LRPPRC: variants seen among roughly 807,000 people sequenced by gnomAD.
The protein encoded by LRPPRC is leucine-rich PPR motif-containing protein, mitochondrial.
LRPPRC carries 120 observed loss-of-function variants against 180.3 expected under a neutral mutation model. The observed-to-expected ratio is 0.67, with a 90% CI of 0.57 to 0.77. LRPPRC has a LOEUF of 0.77. LRPPRC is among the 30% of genes least tolerant of loss of function. LRPPRC has a pLI of 0.00. For missense variants in LRPPRC, 2,012 were observed against 1,657.2 expected (o/e 1.21, Z -3.72); for synonymous variants, 723 against 600.0 (o/e 1.21, Z -3.00).
chr2:43,920,764 G>A lies in LRPPRC; in HGVS notation c.2897-2366C>T, dbSNP rs1671672042. ...CTGTTGACTGCCAAAAGGTCCTTGTGGACTGTGGGAAGACAGGGAAGGTTT... is the reference window on the plus strand; with the variant it reads ...CTGTTGACTGCCAAAAGGTCCTTGTAGACTGTGGGAAGACAGGGAAGGTTT... On this transcript the variant is annotated intron_variant, in intron 27 of 37. Coordinates refer to ENST00000260665, the MANE Select transcript of LRPPRC (RefSeq NM_133259.4). Among the ~76,000 whole-genome samples, 3 of 151,986 alleles carry A rather than the reference G, an allele frequency of 2.0e-5. No homozygotes were observed. The South Asian group carries it at 6.2e-4, about 32-fold the overall frequency.
chr2:43,979,720 C>T, intron 3 of LRPPRC, 106 bp downstream of exon 3: 3 of 906,260 alleles, frequency 3.3e-6, no homozygotes, highest in Admixed American at 2.0e-5. Flanking sequence ...AATCAAGTAG[C>T]CCTTCCATAA....
chr2:43,925,188 CT>C (rs1671833374), intron 26 of LRPPRC, 31 bp from the exon 27 acceptor site: 1 of 1,065,212 alleles, frequency 9.4e-7, no homozygotes, highest in Non-Finnish European at 1.5e-6. Flanking sequence ...ATAGATCTAC[CT>C]TGTGTAAAGG....
chr2:43,948,232 T>C, intron 17 of LRPPRC, 33 bp from the exon 18 acceptor site: 1 of 1,225,744 alleles, frequency 8.2e-7, no homozygotes, highest in Non-Finnish European at 1.2e-6. Context: ...GGAAAAAACC[T>C]GAGTTTTAGA....
chr2:43,905,661 T>C (rs1481443090), intron 31 of LRPPRC, 31 bp downstream of exon 31: 16 of 1,478,204 alleles, frequency 1.1e-5, no homozygotes, highest in Admixed American at 1.7e-5. Context: ...GAGGCATTAA[T>C]GTGACGTAAA....
At chr2:43,976,920 C>A in intron 5 of LRPPRC, 74 bp downstream of exon 5, 1 of 1,247,862 alleles carries the variant, frequency 8.0e-7, no homozygotes, top group Non-Finnish European at 1.2e-6. Context: ...AGCTTTAAAA[C>A]AAAGAGTGAA....
chr2:43,975,757 T>C (rs1182872128), intron 6 of LRPPRC, among the ~76,000 whole-genome samples: 1 of 152,028 alleles, frequency 6.6e-6, no homozygotes, highest in East Asian at 1.9e-4. Flanking sequence ...TAAATTTTTA[T>C]ATTTTTGTAG....
chr2:43,906,894 T>C (rs1271439803), intron 30 of LRPPRC, among the ~76,000 whole-genome samples: 3 of 152,182 alleles, frequency 2.0e-5, no homozygotes, highest in Non-Finnish European at 4.4e-5. Context: ...CCCACCAAAG[T>C]ACCCATTGCT....
chr2:43,981,018 A>G (rs1305908873), intron 2 of LRPPRC, among the ~76,000 whole-genome samples: 1 of 152,206 alleles, frequency 6.6e-6, no homozygotes, highest in South Asian at 2.1e-4. Context: ...TTTTATATCT[A>G]CACTTCTGAG....
At position 43,901,473 on chromosome 2, in the gene LRPPRC, C is replaced by T; in HGVS notation, c.3416G>A (p.Arg1139Lys). 1 of 1,614,108 alleles carries T rather than the reference C, an allele frequency of 6.2e-7. No individual in the cohort carries two copies. Among genetic ancestry groups the T allele is most frequent in the Non-Finnish European group, 8.5e-7 (1 of 1,179,930 alleles). ...CTGGATGACACGGGTCACTGCTAAC[C>T]TAGAAGGGGTCTGCTGCTGATCCAA... is the stretch of plus-strand genomic sequence containing the variant. Reference protein sequence around the residue: ...TVLDQQQTPSRLAVTRVIQAL... With the variant: ...TVLDQQQTPSKLAVTRVIQAL... The change falls in exon 32 of 38, where the codon AGG (arginine) becomes AAG (lysine). Residue 1139 changes from arginine to lysine, a missense_variant. Transcript: ENST00000260665.
At chr2:43,956,460 C>A (rs1171987844) in intron 14 of LRPPRC, among the ~76,000 whole-genome samples, 1 of 135,520 alleles carries the variant, frequency 7.4e-6, no homozygotes, top group East Asian at 3.1e-4. Context: ...TCAAGTGGTT[C>A]AGCCAAAAAG....
At chr2:43,943,263 T>C (rs993753180) in intron 23 of LRPPRC, among the ~76,000 whole-genome samples, 1 of 152,052 alleles carries the variant, frequency 6.6e-6, no homozygotes, top group Non-Finnish European at 1.5e-5. Flanking sequence ...AAAGCTAGAA[T>C]AACTGTAATG....
intron 35 of LRPPRC, among the ~76,000 whole-genome samples, chr2:43,895,156 G>A (rs777741015): frequency 2.0e-5 from 3 of 152,118 alleles, no homozygotes; most frequent in Non-Finnish European, 4.4e-5. Flanking sequence ...CTGCTATGCC[G>A]TAATGAATAT....
intron 27 of LRPPRC, among the ~76,000 whole-genome samples, chr2:43,920,865 A>G (rs1671675691): frequency 6.6e-6 from 1 of 152,202 alleles, no homozygotes; most frequent in Admixed American, 6.5e-5. Flanking sequence ...AGGTGGGTGG[A>G]TAATCTACAA....
chr2:43,989,495 G>C (rs1484053986), intron 1 of LRPPRC, among the ~76,000 whole-genome samples: 1 of 152,170 alleles, frequency 6.6e-6, no homozygotes, highest in Non-Finnish European at 1.5e-5. Context: ...ACACTCTTCA[G>C]AATCTATGAA....
At chr2:43,979,010 T>C (rs546362565) in intron 3 of LRPPRC, among the ~76,000 whole-genome samples, 4 of 152,120 alleles carry the variant, frequency 2.6e-5, no homozygotes, top group Non-Finnish European at 5.9e-5. Context: ...TATACATGAT[T>C]GTTGTCGGTT....
intron 1 of LRPPRC, among the ~76,000 whole-genome samples, chr2:43,993,617 T>G (rs761163090): frequency 6.6e-6 from 1 of 151,960 alleles, no homozygotes; most frequent in African/African-American, 2.4e-5. Flanking sequence ...GGAGACTATA[T>G]ACAGTGCTCA....
chr2:43,942,318 G>C (rs1364940684), intron 23 of LRPPRC, among the ~76,000 whole-genome samples: 1 of 152,162 alleles, frequency 6.6e-6, no homozygotes, highest in Non-Finnish European at 1.5e-5. Flanking sequence ...GCAATTTGCA[G>C]AAATGGGTCT....
intron 11 of LRPPRC, among the ~76,000 whole-genome samples, chr2:43,969,726 C>T (rs1673720011): frequency 6.6e-6 from 1 of 152,130 alleles, no homozygotes; most frequent in Admixed American, 6.6e-5. Flanking sequence ...CAGCATCTCA[C>T]TTTGTCACGC....
intron 11 of LRPPRC, among the ~76,000 whole-genome samples, chr2:43,964,052 C>CA: frequency 6.6e-6 from 1 of 152,228 alleles, no homozygotes; most frequent in South Asian, 2.1e-4. Context: ...GACTTGTACA[C>CA]AAAAAATTTG....
Sources: allele counts gnomAD v4.1 joint callset (sites outside exome capture counted in the v4.1 genomes callset), GRCh38; gene constraint gnomAD v4.1.1; transcripts MANE v1.5; gene names NCBI Gene and HGNC (gene_info 2026-07-23, HGNC 2026-07-21).